The following AHCY variants were observed in gnomAD, a reference collection of about 807,000 sequenced individuals.
AHCY encodes the protein S-adenosyl-L-homocysteine hydrolase.
A neutral mutation model predicts 45.4 loss-of-function variants in AHCY; 24 were observed. The ratio of observed to expected loss-of-function variants is 0.53; its 90% CI spans 0.38 to 0.74. The LOEUF (loss-of-function observed/expected upper bound fraction) is 0.74. Ranked by LOEUF, AHCY falls within the 30% of genes least tolerant of loss-of-function variation. The pLI is 0.00. For synonymous variants in AHCY, 245 were observed against 235.1 expected (o/e 1.04, Z -0.39); for missense variants, 449 against 594.1 (o/e 0.76, Z 2.54).
chr20:34,288,816 T>G (rs1047319110), intron 8 of AHCY, among the ~76,000 whole-genome samples: 1 of 152,206 alleles, frequency 6.6e-6, no homozygotes, highest in African/African-American at 2.4e-5. Flanking sequence ...AGAAACATAC[T>G]ACTTTTATAA....
Position 34,292,426 on chromosome 20 carries a change from T to C in AHCY, c.377A>G (p.Asn126Ser). ...QTLYFKDGPL[N>S]MILDDGGDLT... Reference sequence around the variant, plus strand: ...GTCGCCCCCGTCGTCCAGAATCATGTTGAGGGGCCCGTCCTTGAAGTACAG... The same window carrying C: ...GTCGCCCCCGTCGTCCAGAATCATGCTGAGGGGCCCGTCCTTGAAGTACAG... Residue 126 changes from asparagine to serine, a missense_variant, in exon 4 of 10, where the codon AAC becomes AGC. By Grantham distance (46) the Asn-to-Ser change is conservative (BLOSUM62 1). Coordinates refer to ENST00000217426, the MANE Select transcript of AHCY (RefSeq NM_000687.4). 2 of 1,614,026 alleles carry C rather than the reference T, an allele frequency of 1.2e-6. No homozygotes were observed. The highest frequency in any genetic ancestry group is 1.7e-6 in the Non-Finnish European group (2 of 1,180,050).
At chr20:34,307,417 G>A (rs2036907215), upstream of AHCY, among the ~76,000 whole-genome samples, 1 of 150,846 alleles carries the variant, frequency 6.6e-6, no homozygotes, top group Admixed American at 6.6e-5. Flanking sequence ...TTGTTGCCCA[G>A]GCTGGAATGC....
At chr20:34,235,890 G>GA in the AHCY span, among the ~76,000 whole-genome samples, 56 of 90,316 alleles carry the variant, frequency 6.2e-4, 2 homozygotes, top group African/African-American at 4.2e-3. Flanking sequence ...AGGAAGGAAG[G>GA]AAGGAAGGAA....
At chr20:34,245,188 G>A in the AHCY span, among the ~76,000 whole-genome samples, 49 of 151,514 alleles carry the variant, frequency 3.2e-4, no homozygotes, top group Non-Finnish European at 5.3e-4. Context: ...ACAAAAATTA[G>A]CTGGGCGTGG....
At chr20:34,269,206 G>A in the AHCY span, 6 of 1,448,560 alleles carry the variant, frequency 4.1e-6, no homozygotes, top group Non-Finnish European at 3.6e-6. Flanking sequence ...AGGGCTTCGG[G>A]GACGCGGGGC....
At chr20:34,249,189 TAGAG>T in the AHCY span, among the ~76,000 whole-genome samples, 1 of 152,010 alleles carries the variant, frequency 6.6e-6, no homozygotes. Flanking sequence ...AAGTTATCCA[TAGAG>T]AGAAAGTAAC....
At chr20:34,244,728 G>A in the AHCY span, among the ~76,000 whole-genome samples, 2,568 of 152,208 alleles carry the variant, frequency 0.017, 82 homozygotes, top group African/African-American at 0.058. Context: ...TTCAAACAGC[G>A]CACATTCATG....
At chr20:34,275,164 G>A in the AHCY span, among the ~76,000 whole-genome samples, 4 of 136,828 alleles carry the variant, frequency 2.9e-5, no homozygotes, top group Non-Finnish European at 6.1e-5. Context: ...ATGGAGTCTC[G>A]CTCTGTCACC....
At chr20:34,297,326 C>T (rs1211231305) in intron 1 of AHCY, among the ~76,000 whole-genome samples, 3 of 152,030 alleles carry the variant, frequency 2.0e-5, no homozygotes, top group Non-Finnish European at 4.4e-5. Context: ...TAGTCTGGCT[C>T]TGTAGACCAG....
the AHCY span, among the ~76,000 whole-genome samples, chr20:34,261,146 C>G: frequency 6.6e-6 from 1 of 152,370 alleles, no homozygotes; most frequent in African/African-American, 2.4e-5. Context: ...AGGTACTTAA[C>G]TCCAGAACCT....
chr20:34,268,886 A>G, the AHCY span: 1 of 1,416,662 alleles, frequency 7.1e-7, no homozygotes, highest in Admixed American at 2.1e-5. Flanking sequence ...CCAGCGGGGA[A>G]ACCTCTGGTC....
intron 8 of AHCY, among the ~76,000 whole-genome samples, chr20:34,288,244 T>C (rs2036251933): frequency 6.6e-6 from 1 of 152,198 alleles, no homozygotes; most frequent in African/African-American, 2.4e-5. Context: ...TCTGCCTCTC[T>C]GGGACTTGGG....
At chr20:34,304,335 C>T (rs998588369), upstream of AHCY, among the ~76,000 whole-genome samples, 7 of 152,236 alleles carry the variant, frequency 4.6e-5, no homozygotes, top group South Asian at 2.1e-4. Flanking sequence ...GACTCCAAAA[C>T]CCTTCTATGT....
intron 1 of AHCY, among the ~76,000 whole-genome samples, chr20:34,297,452 CA>C (rs2036611548): frequency 6.6e-6 from 1 of 152,044 alleles, no homozygotes; most frequent in Non-Finnish European, 1.5e-5. Flanking sequence ...AACTCGCCAC[CA>C]TGCCCAGCTA....
intron 8 of AHCY, among the ~76,000 whole-genome samples, chr20:34,289,958 C>A (rs1235021107): frequency 6.6e-6 from 1 of 152,114 alleles, no homozygotes; most frequent in African/African-American, 2.4e-5. Context: ...CCATCCTGAC[C>A]CCACATGCCG....
intron 1 of AHCY, 27 bp from the exon 2 acceptor site, chr20:34,295,612 CGT>C: frequency 6.2e-7 from 1 of 1,609,834 alleles, no homozygotes; most frequent in Non-Finnish European, 8.5e-7. Flanking sequence ...GTGGGAGTTC[CGT>C]GAGTCCCCTC....
the AHCY span, among the ~76,000 whole-genome samples, chr20:34,267,125 T>G: frequency 6.6e-6 from 1 of 152,180 alleles, no homozygotes; most frequent in African/African-American, 2.4e-5. Context: ...TGCTAAGCAC[T>G]GGGAACATAG....
chr20:34,279,803 T>G (rs922891481), downstream of AHCY, among the ~76,000 whole-genome samples: 1 of 152,288 alleles, frequency 6.6e-6, no homozygotes, highest in Admixed American at 6.5e-5. Flanking sequence ...GAACTTAATG[T>G]GAGTCCCCAC....
intron 2 of AHCY, among the ~76,000 whole-genome samples, chr20:34,294,930 A>G (rs2036522245): frequency 6.6e-6 from 1 of 152,118 alleles, no homozygotes; most frequent in African/African-American, 2.4e-5. Flanking sequence ...CCATTGCCCT[A>G]CCCTGCTTTG....
Sources: gnomAD v4.1 joint callset for allele counts (sites outside exome capture counted in the v4.1 genomes callset) on GRCh38, gnomAD v4.1.1 for gene constraint, MANE v1.5 for transcripts, NCBI Gene and HGNC (gene_info 2026-07-23, HGNC 2026-07-21) for gene names.